SI: variants seen among roughly 807,000 people sequenced by gnomAD.
SI encodes the protein sucrase-isomaltase, intestinal.
In SI, 235 loss-of-function variants were observed where a neutral mutation model predicts 253.3. The observed-to-expected ratio is 0.93, with a 90% CI of 0.83 to 1.03. SI has a LOEUF of 1.03. Among genes scored for constraint, SI ranks in the 50% least tolerant of loss-of-function variants. The pLI, the probability that SI is intolerant of heterozygous loss-of-function variation, is 0.00. For synonymous variants in SI, 819 were observed against 712.0 expected, an observed-to-expected ratio of 1.15 and a Z score of -2.39; for missense variants, 2,442 against 2,211.1, an observed-to-expected ratio of 1.10 and a Z score of -2.09.
chr3:165,065,880 C>T (rs1714223301), intron 6 of SI, among the ~76,000 whole-genome samples: 1 of 151,596 alleles, frequency 6.6e-6, no homozygotes. Flanking sequence ...AAGCATTTTT[C>T]CCCCAAAAAG....
rs184646150 is a variant in SI, at chr3:164,981,789, C to G, written c.5415+454G>C. Among the ~76,000 whole-genome samples the G allele has an allele frequency of 9.5e-4, 144 of 152,230 alleles. 1 individual carries two copies. Among genetic ancestry groups the G allele is most frequent in the African/African-American group, 3.3e-3 (138 of 41,562 alleles). On this transcript the variant is annotated intron_variant, in intron 47 of 47. Transcript: ENST00000264382. ...GAGCTAAATACTGGCAGCAATGATG[C>G]TTTAACGCAAGAATCCTGATTCCTT...
At chr3:165,008,287 T>C (rs569703416) in intron 35 of SI, among the ~76,000 whole-genome samples, 1 of 152,088 alleles carries the variant, frequency 6.6e-6, no homozygotes, top group South Asian at 2.1e-4. Context: ...ATTATAATAA[T>C]ATGTGCCCTA....
chr3:165,048,582 T>TAGAGAG (rs773093036), intron 15 of SI, among the ~76,000 whole-genome samples: 1,613 of 111,614 alleles, frequency 0.014, 8 homozygotes, highest in Middle Eastern at 0.03. Flanking sequence ...TATATATATA[T>TAGAGAG]ATAGAGAGAG....
chr3:165,042,407 T>A (rs141784266), intron 17 of SI, among the ~76,000 whole-genome samples: 3,074 of 152,192 alleles, frequency 0.02, 57 homozygotes, highest in Non-Finnish European at 0.033. Context: ...CTTAATTGAC[T>A]TAATGGTTTA....
intron 20 of SI, among the ~76,000 whole-genome samples, chr3:165,038,604 G>T (rs1712661934): frequency 6.6e-6 from 1 of 151,142 alleles, no homozygotes; most frequent in African/African-American, 2.4e-5. Flanking sequence ...TTGTTCAATT[G>T]AAAAAATGGA....
intron 37 of SI, among the ~76,000 whole-genome samples, chr3:165,004,740 T>C (rs760303121): frequency 3.3e-5 from 5 of 152,092 alleles, no homozygotes; most frequent in Non-Finnish European, 5.9e-5. Context: ...GCTAAAAATT[T>C]TGAAAAAGCA....
chr3:165,089,609 T>G, the SI span, among the ~76,000 whole-genome samples: 1 of 152,148 alleles, frequency 6.6e-6, no homozygotes, highest in Admixed American at 6.6e-5. Context: ...ACCCCAAAGC[T>G]TAGCATTTTA....
At chr3:164,989,353 G>GAAGA (rs201006284) in intron 44 of SI, among the ~76,000 whole-genome samples, 31 of 111,092 alleles carry the variant, frequency 2.8e-4, no homozygotes, top group South Asian at 3.0e-4. Context: ...AAGAGAGAAA[G>GAAGA]AAGAAAGAAA....
intron 3 of SI, among the ~76,000 whole-genome samples, chr3:165,072,360 A>G (rs1714634055): frequency 6.6e-6 from 1 of 151,994 alleles, no homozygotes; most frequent in African/African-American, 2.4e-5. Flanking sequence ...AGTATTTTAA[A>G]GAATCTTTAG....
chr3:165,069,072 T>G lies in SI; in HGVS notation c.373+6A>C, dbSNP rs746332078. The G allele has an allele frequency of 5.7e-6, 9 of 1,573,076 alleles. No individual in the cohort carries two copies. The South Asian group carries it at 7.8e-5, about 14-fold the overall frequency. ...TATTGAATCATTATAACAGAGGACT[T>G]CTTACCAATACTTGTTGTTGTCATG... On this transcript the variant is annotated splice_donor_region_variant and intron_variant, in intron 4 of 47. Coordinates refer to ENST00000264382, the MANE Select transcript of SI (RefSeq NM_001041.4).
intron 25 of SI, among the ~76,000 whole-genome samples, chr3:165,027,644 G>T (rs1712000526): frequency 6.6e-6 from 1 of 151,396 alleles, no homozygotes; most frequent in Admixed American, 6.6e-5. Flanking sequence ...AGGGATACGG[G>T]GATGGTTTCA....
rs780262949 is a variant in SI, at chr3:164,994,314, G to T, written c.4784C>A (p.Thr1595Lys). Residue 1595 changes from threonine (T) to lysine (K), a missense_variant, in exon 41 of 48, where the codon ACA (threonine) becomes AAA (lysine). Coordinates refer to ENST00000264382, the MANE Select transcript of SI (RefSeq NM_001041.4). ...IRYTLLPYFY[T>K]QMHEIHANGG... ...ATTAGCATGAATTTCATGCATTTGT[G>T]TGTAAAAATAGGGCAATAAGGTGTA... 6.2e-7 allele frequency: 1 copy of T among 1,611,142 alleles called. No homozygotes were observed. Among genetic ancestry groups the T allele is most frequent in the Admixed American group, 1.7e-5 (1 of 59,790 alleles).
chr3:165,084,816 G>C, the SI span, among the ~76,000 whole-genome samples: 1 of 152,020 alleles, frequency 6.6e-6, no homozygotes, highest in African/African-American at 2.4e-5. Context: ...AACAGGACAT[G>C]ATTTCTCTGT....
At chr3:165,068,412 A>G (rs1404768419) in intron 5 of SI, among the ~76,000 whole-genome samples, 7 of 152,172 alleles carry the variant, frequency 4.6e-5, no homozygotes, top group Non-Finnish European at 8.8e-5. Flanking sequence ...GAGAAAATGT[A>G]TTTGTAGGAT....
At chr3:165,073,649 T>C (rs546919832) in intron 3 of SI, among the ~76,000 whole-genome samples, 1 of 152,186 alleles carries the variant, frequency 6.6e-6, no homozygotes, top group Admixed American at 6.6e-5. Context: ...AAAATGTCAA[T>C]ATATAGAGTC....
chr3:165,023,785 A>G lies in SI; in HGVS notation c.2893-9T>C. ...TTGGATAGAGAAGAACCCTAAAAAC[A>G]CAATGCATGTTCATTGCCAGAAATT... On this transcript the variant is annotated splice_polypyrimidine_tract_variant and intron_variant, in intron 25 of 47. Transcript: ENST00000264382. The G allele has an allele frequency of 1.3e-6, 2 of 1,593,690 alleles. No individual in the cohort carries two copies. Among genetic ancestry groups the G allele is most frequent in the East Asian group, 2.2e-5 (1 of 44,488 alleles).
chr3:165,029,896 T>A (rs190837899), intron 25 of SI, among the ~76,000 whole-genome samples: 1 of 150,418 alleles, frequency 6.6e-6, no homozygotes, highest in Non-Finnish European at 1.5e-5. Context: ...CCTTACTTTT[T>A]CTGTTCTTAT....
rs910756572 is a variant in SI at position 165,023,851 on chromosome 3, G to T, written c.2893-75C>A. The T allele has an allele frequency of 1.6e-5, 16 of 975,398 alleles. No individual in the cohort carries two copies. The East Asian group carries it at 4.1e-4, about 25-fold the overall frequency. 60.4% of individuals were successfully genotyped at this position (975,398 alleles called of 1,614,324 possible). A position where few individuals can be genotyped will look rare whatever the true frequency, so the allele number is the denominator to read the frequency against. ...TTTTACTCTTTAAAATTATACTGAC[G>T]TTTAGTCACACATTGTATGATTTAC... On this transcript the variant is annotated intron_variant, in intron 25 of 47. Coordinates refer to ENST00000264382, the MANE Select transcript of SI (RefSeq NM_001041.4).
intron 35 of SI, 46 bp from the exon 36 acceptor site, chr3:165,008,044 A>G (rs1282011970): frequency 2.0e-6 from 2 of 1,016,074 alleles, no homozygotes; most frequent in South Asian, 2.6e-5. Flanking sequence ...ATAAATTTAC[A>G]ACATATATTC....
Sources: allele counts gnomAD v4.1 joint callset (sites outside exome capture counted in the v4.1 genomes callset), GRCh38; gene constraint gnomAD v4.1.1; transcripts MANE v1.5; gene names NCBI Gene and HGNC (gene_info 2026-07-23, HGNC 2026-07-21).